RBFOX1: variants seen among roughly 807,000 people sequenced by gnomAD.
RBFOX1 encodes RNA binding fox-1 homolog 1.
RBFOX1 carries 8 observed loss-of-function variants against 57.7 expected under a neutral mutation model. That is an observed-to-expected ratio of 0.14 (90% confidence interval 0.08 to 0.25). RBFOX1 has a LOEUF of 0.25. Ranked by LOEUF, RBFOX1 falls within the 10% of genes least tolerant of loss-of-function variation. The probability of loss-of-function intolerance (pLI) is 1.00; values close to 1 mark genes in which losing one functional copy is unlikely to be tolerated. For synonymous variants in RBFOX1, 326 were observed against 222.4 expected (o/e 1.47, Z -4.15); for missense variants, 611 against 548.5 (o/e 1.11, Z -1.14).
At chr16:6,139,104 A>G (rs1249475132) in intron 1 of RBFOX1, among the ~76,000 whole-genome samples, 2 of 152,144 alleles carry the variant, frequency 1.3e-5, no homozygotes, top group East Asian at 1.9e-4. Flanking sequence ...TAGCAGTTCT[A>G]TAGAGTACTG....
chr16:6,650,825 G>T (rs1276001057), intron 2 of RBFOX1, among the ~76,000 whole-genome samples: 1 of 152,110 alleles, frequency 6.6e-6, no homozygotes, highest in Non-Finnish European at 1.5e-5. Context: ...AAACCCCACT[G>T]CCTCTTGGTG....
At chr16:6,673,640 T>C (rs2098782040) in intron 3 of RBFOX1, among the ~76,000 whole-genome samples, 1 of 151,974 alleles carries the variant, frequency 6.6e-6, no homozygotes, top group Admixed American at 6.6e-5. Flanking sequence ...CACAAAGTAA[T>C]GAAATATGGG....
chr16:6,402,997 G>A (rs555830853), intron 2 of RBFOX1, among the ~76,000 whole-genome samples: 16 of 152,152 alleles, frequency 1.1e-4, no homozygotes, highest in African/African-American at 3.9e-4. Flanking sequence ...AGTTTTTTCT[G>A]TTTATTGTTT....
At chr16:6,946,941 A>C (rs80150343) in intron 3 of RBFOX1, among the ~76,000 whole-genome samples, 9,664 of 152,048 alleles carry the variant, frequency 0.064, 854 homozygotes, top group African/African-American at 0.2. Flanking sequence ...ATTTGGCTTT[A>C]TGTTTGGGAG....
chr16:7,269,788 A>G (rs2153107945), intron 4 of RBFOX1, among the ~76,000 whole-genome samples: 1 of 152,304 alleles, frequency 6.6e-6, no homozygotes, highest in East Asian at 1.9e-4. Context: ...GTATTGTGTC[A>G]GGGTCGGAAG....
At chr16:6,271,776 A>G (rs1451925536) in intron 1 of RBFOX1, among the ~76,000 whole-genome samples, 1 of 152,218 alleles carries the variant, frequency 6.6e-6, no homozygotes, top group Non-Finnish European at 1.5e-5. Context: ...TGAATGTCCT[A>G]TAACTGTTAA....
chr16:6,218,531 A>C (rs958876052), intron 1 of RBFOX1, among the ~76,000 whole-genome samples: 2 of 151,994 alleles, frequency 1.3e-5, no homozygotes, highest in African/African-American at 4.8e-5. Context: ...GCTGATCTCA[A>C]ACTCCTGGCC....
intron 3 of RBFOX1, among the ~76,000 whole-genome samples, chr16:7,020,157 T>C (rs986400634): frequency 6.6e-6 from 1 of 152,170 alleles, no homozygotes; most frequent in African/African-American, 2.4e-5. Flanking sequence ...GGGACTCTTT[T>C]ATGCCATCTT....
intron 3 of RBFOX1, among the ~76,000 whole-genome samples, chr16:6,725,579 A>T (rs970272136): frequency 9.2e-5 from 14 of 152,184 alleles, no homozygotes; most frequent in African/African-American, 3.4e-4. Flanking sequence ...ATCAAGAGAT[A>T]ATCATAAAAA....
chr16:6,054,832 G>C (rs2095595389), intron 1 of RBFOX1, among the ~76,000 whole-genome samples: 1 of 152,068 alleles, frequency 6.6e-6, no homozygotes, highest in East Asian at 1.9e-4. Flanking sequence ...ACCTGGGCTG[G>C]AGTGCAGTGA....
At chr16:6,103,171 C>T (rs537105820) in intron 1 of RBFOX1, among the ~76,000 whole-genome samples, 1 of 152,182 alleles carries the variant, frequency 6.6e-6, no homozygotes, top group Non-Finnish European at 1.5e-5. Flanking sequence ...TAAGCCAGTT[C>T]CATCCAAGTC....
intron 1 of RBFOX1, among the ~76,000 whole-genome samples, chr16:5,392,257 C>T (rs531529331): frequency 6.6e-6 from 1 of 152,066 alleles, no homozygotes; most frequent in East Asian, 1.9e-4. Context: ...AACCAAATAC[C>T]ACCTGTTCCT....
chr16:6,186,576 T>C (rs1567637422), intron 1 of RBFOX1, among the ~76,000 whole-genome samples: 1 of 152,114 alleles, frequency 6.6e-6, no homozygotes, highest in Non-Finnish European at 1.5e-5. Context: ...TGCCCTAGCT[T>C]CACGTTGAAA....
At chr16:6,023,780 C>A (rs1226232449) in intron 1 of RBFOX1, among the ~76,000 whole-genome samples, 1 of 152,184 alleles carries the variant, frequency 6.6e-6, no homozygotes, top group African/African-American at 2.4e-5. Context: ...CACATTTACC[C>A]ACAGTGTCGT....
chr16:7,064,965 C>G (rs902049985), intron 4 of RBFOX1, among the ~76,000 whole-genome samples: 4 of 152,264 alleles, frequency 2.6e-5, no homozygotes, highest in African/African-American at 9.6e-5. Flanking sequence ...AGATGATGTC[C>G]TTGGCTCCCT....
chr16:6,263,521 T>A (rs898740892), intron 1 of RBFOX1, among the ~76,000 whole-genome samples: 1 of 152,154 alleles, frequency 6.6e-6, no homozygotes, highest in African/African-American at 2.4e-5. Context: ...TTTCTCTGAA[T>A]GTTTCTTTTT....
chr16:6,724,831 C>T (rs151154975), intron 3 of RBFOX1, among the ~76,000 whole-genome samples: 20 of 152,162 alleles, frequency 1.3e-4, no homozygotes, highest in East Asian at 1.2e-3. Context: ...CACCTATCAA[C>T]CCATCACCTA....
intron 3 of RBFOX1, among the ~76,000 whole-genome samples, chr16:6,672,519 G>T (rs570635494): frequency 1.3e-5 from 2 of 150,062 alleles, no homozygotes; most frequent in Admixed American, 1.3e-4. Flanking sequence ...GAAGATGGGA[G>T]AAAAAAGAAA....
chr16:5,560,154 A>G (rs1353790335), intron 2 of RBFOX1, among the ~76,000 whole-genome samples: 1 of 152,192 alleles, frequency 6.6e-6, no homozygotes, highest in East Asian at 1.9e-4. Flanking sequence ...CATGCCTGAC[A>G]GTCTCTTTCC....
Sources: gnomAD v4.1 joint callset for allele counts (sites outside exome capture counted in the v4.1 genomes callset) on GRCh38, gnomAD v4.1.1 for gene constraint, MANE v1.5 for transcripts, NCBI Gene and HGNC (gene_info 2026-07-23, HGNC 2026-07-21) for gene names.